Variants in SHISAL1 observed in about 807,000 individuals in gnomAD.
The protein encoded by SHISAL1 is shisa like 1, also known as protein shisa-like-1.
SHISAL1 carries 9 observed loss-of-function variants against 22.6 expected under a neutral mutation model. The ratio of observed to expected loss-of-function variants is 0.40; its 90% CI spans 0.24 to 0.70. The LOEUF (loss-of-function observed/expected upper bound fraction) is 0.70. SHISAL1 is among the 30% of genes least tolerant of loss of function. The pLI is 0.39. For synonymous variants in SHISAL1, 119 were observed against 115.4 expected (o/e 1.03, Z -0.20); for missense variants, 246 against 270.6 (o/e 0.91, Z 0.64).
chr22:44,276,034 C>T (rs1254334737), intron 4 of SHISAL1, among the ~76,000 whole-genome samples: 5 of 152,246 alleles, frequency 3.3e-5, no homozygotes, highest in African/African-American at 1.2e-4. Context: ...TCCCAACTCT[C>T]CCGCGTTTTC....
rs2054985293 is a variant in SHISAL1, at chr22:44,244,870, G to C, written c.*4815C>G. The C allele has an allele frequency of 6.6e-6, 1 of 152,196 alleles. No homozygotes were observed. The highest frequency in any genetic ancestry group is 1.5e-5 in the Non-Finnish European group (1 of 68,034). 9.4% of individuals were successfully genotyped at this position (152,196 alleles called of 1,614,324 possible). A position where few individuals can be genotyped will look rare whatever the true frequency, so the allele number is the denominator to read the frequency against. On this transcript the variant is annotated 3_prime_UTR_variant, in exon 5 of 5. Coordinates refer to ENST00000381176, the MANE Select transcript of SHISAL1 (RefSeq NM_001099294.2). ...CTGACTGCTTAACTTTAACATTTGA[G>C]CTTTTCGGGCCACAACCACCAAAGT...
chr22:44,263,106 G>A (rs1350603202), intron 4 of SHISAL1, among the ~76,000 whole-genome samples: 6 of 64,720 alleles, frequency 9.3e-5, no homozygotes, highest in African/African-American at 2.4e-4. Flanking sequence ...TTTTGGAGAT[G>A]GAGTCTGTGT....
Position 44,243,817 on chromosome 22 carries a change from T to A in SHISAL1, c.*5868A>T, listed in dbSNP as rs2054975416. 6.6e-6 allele frequency: 1 copy of A among 152,138 alleles called. No homozygotes were observed. Among genetic ancestry groups the A allele is most frequent in the African/African-American group, 2.4e-5 (1 of 41,436 alleles). The allele number at this position is 152,138 out of a possible 1,614,324, so 9.4% of individuals were successfully genotyped here. A position where few individuals can be genotyped will look rare whatever the true frequency, so the allele number is the denominator to read the frequency against. ...GTATTATTATTAGGAATATTATTGG[T>A]TTTGGTTTTCCCGGTTATCAGCTCT... On this transcript the variant is annotated 3_prime_UTR_variant, in exon 5 of 5. Transcript: ENST00000381176.
At chr22:44,268,621 C>T (rs1380367588) in intron 4 of SHISAL1, among the ~76,000 whole-genome samples, 18 of 152,138 alleles carry the variant, frequency 1.2e-4, no homozygotes, top group Admixed American at 6.5e-5. Flanking sequence ...AAACAGGCCA[C>T]GGAGCTCTCT....
intron 2 of SHISAL1, among the ~76,000 whole-genome samples, chr22:44,298,425 C>T (rs988609239): frequency 3.3e-5 from 5 of 152,348 alleles, no homozygotes; most frequent in Non-Finnish European, 5.9e-5. Flanking sequence ...TAGGCCCCGC[C>T]GTCTGTCCTG....
At chr22:44,262,417 T>C (rs966766149) in intron 4 of SHISAL1, among the ~76,000 whole-genome samples, 4 of 152,204 alleles carry the variant, frequency 2.6e-5, no homozygotes, top group Admixed American at 6.5e-5. Flanking sequence ...CTAATTCTCA[T>C]AGCAGCAAGA....
intron 4 of SHISAL1, among the ~76,000 whole-genome samples, chr22:44,263,796 C>T (rs1441079337): frequency 1.3e-5 from 2 of 152,184 alleles, no homozygotes; most frequent in African/African-American, 4.8e-5. Context: ...AGCAGGGCCC[C>T]GTGCTGCTGA....
intron 3 of SHISAL1, among the ~76,000 whole-genome samples, chr22:44,292,101 C>A (rs547333574): frequency 6.6e-6 from 1 of 152,336 alleles, no homozygotes; most frequent in African/African-American, 2.4e-5. Context: ...CAGAAAAATA[C>A]AAATAAATAA....
intron 4 of SHISAL1, among the ~76,000 whole-genome samples, chr22:44,267,956 T>A (rs1342060070): frequency 2.0e-5 from 3 of 152,248 alleles, no homozygotes; most frequent in Admixed American, 6.5e-5. Context: ...TCCGAAGGGC[T>A]GGGAGCCTCT....
intron 3 of SHISAL1, among the ~76,000 whole-genome samples, chr22:44,288,633 T>C (rs2055332646): frequency 6.6e-6 from 1 of 152,106 alleles, no homozygotes; most frequent in Non-Finnish European, 1.5e-5. Flanking sequence ...AGAGCGAGAC[T>C]CCGTCTCAAA....
intron 4 of SHISAL1, among the ~76,000 whole-genome samples, chr22:44,251,134 T>C (rs1287803472): frequency 6.6e-6 from 1 of 152,046 alleles, no homozygotes; most frequent in Non-Finnish European, 1.5e-5. Flanking sequence ...GAATAGTTTA[T>C]TGTTTGTCTT....
chr22:44,291,871 C>T (rs924829624), intron 3 of SHISAL1, among the ~76,000 whole-genome samples: 4 of 152,108 alleles, frequency 2.6e-5, no homozygotes, highest in Non-Finnish European at 5.9e-5. Context: ...GAGTCTGAGT[C>T]GCCATTGCTG....
At chr22:44,321,227 C>T in the SHISAL1 span, among the ~76,000 whole-genome samples, 2 of 152,200 alleles carry the variant, frequency 1.3e-5, no homozygotes, top group African/African-American at 4.8e-5. Context: ...AACTAACCCA[C>T]CTGCGACGAG....
the SHISAL1 span, among the ~76,000 whole-genome samples, chr22:44,325,387 C>T: frequency 5.9e-5 from 9 of 152,262 alleles, no homozygotes; most frequent in East Asian, 5.8e-4. Context: ...ACGCAGAGAC[C>T]GAGGCTCAGA....
At chr22:44,313,500 C>T (rs879695362), upstream of SHISAL1, among the ~76,000 whole-genome samples, 26 of 152,246 alleles carry the variant, frequency 1.7e-4, no homozygotes, top group Non-Finnish European at 3.5e-4. Context: ...CCTGTCCCCA[C>T]CCAGCAGCAG....
At chr22:44,299,404 G>A (rs1383698869) in intron 2 of SHISAL1, among the ~76,000 whole-genome samples, 1 of 152,248 alleles carries the variant, frequency 6.6e-6, no homozygotes, top group Non-Finnish European at 1.5e-5. Flanking sequence ...TTCCTTCTGA[G>A]TGTCTCACCT....
upstream of SHISAL1, among the ~76,000 whole-genome samples, chr22:44,315,988 C>T (rs956986966): frequency 6.6e-6 from 1 of 152,122 alleles, no homozygotes; most frequent in African/African-American, 2.4e-5. Context: ...CCGCCCATAT[C>T]GATGTGGAGC....
At chr22:44,250,207 A>G (rs1457752090) in intron 4 of SHISAL1, among the ~76,000 whole-genome samples, 1 of 152,236 alleles carries the variant, frequency 6.6e-6, no homozygotes, top group Admixed American at 6.5e-5. Flanking sequence ...AAGTATTCTG[A>G]TTTGGCTGAT....
chr22:44,277,840 C>T (rs2055250484), intron 4 of SHISAL1, among the ~76,000 whole-genome samples: 1 of 152,150 alleles, frequency 6.6e-6, no homozygotes, highest in Non-Finnish European at 1.5e-5. Context: ...ACGAGAGGCT[C>T]GACGGGACAT....
Sources: allele counts gnomAD v4.1 joint callset (sites outside exome capture counted in the v4.1 genomes callset), GRCh38; gene constraint gnomAD v4.1.1; transcripts MANE v1.5; gene names NCBI Gene and HGNC (gene_info 2026-07-23, HGNC 2026-07-21).